The following TPST1 variants were observed in gnomAD, a reference collection of about 807,000 sequenced individuals.
TPST1 encodes the protein tyrosylprotein sulfotransferase 1, also known as protein-tyrosine sulfotransferase 1.
A neutral mutation model predicts 34.8 loss-of-function variants in TPST1; 20 were observed. The observed-to-expected ratio is 0.57, with a 90% CI of 0.40 to 0.84. The LOEUF (loss-of-function observed/expected upper bound fraction) is 0.84, where lower values mean the gene tolerates loss of function less well. Ranked by LOEUF, TPST1 falls within the 40% of genes least tolerant of loss-of-function variation. The pLI is 0.00. For synonymous variants in TPST1, 152 were observed against 159.4 expected (o/e 0.95, Z 0.35); for missense variants, 353 against 455.5 (o/e 0.78, Z 2.05).
intron 3 of TPST1, among the ~76,000 whole-genome samples, chr7:66,339,955 A>G (rs995443201): frequency 6.6e-6 from 1 of 152,192 alleles, no homozygotes; most frequent in Non-Finnish European, 1.5e-5. Flanking sequence ...ACCAAAAACC[A>G]TATGATGATT....
In TPST1 at chr7:66,240,545, G is replaced by A. The variant is rs373665203; in HGVS notation, c.120G>A (p.Gln40=). ...ATCACCGGATAGAGGAACGTAGCCA[G>A]CCAGTCAAATTGGAGAGCACAAGGA... is the stretch of plus-strand genomic sequence containing the variant. ...ECHHRIEERS[Q]PVKLESTRTT... is the part of the protein sequence containing the mutation. The change falls in exon 2 of 6, where the codon CAG becomes CAA. Residue 40 remains glutamine, a synonymous_variant. Transcript: ENST00000304842. The A allele has an allele frequency of 6.2e-7, 1 of 1,614,220 alleles. No homozygotes were observed. The highest frequency in any genetic ancestry group is 1.7e-5 in the Admixed American group (1 of 60,020).
intron 3 of TPST1, among the ~76,000 whole-genome samples, chr7:66,326,127 C>G (rs1223132787): frequency 6.6e-6 from 1 of 152,148 alleles, no homozygotes; most frequent in East Asian, 1.9e-4. Flanking sequence ...TTCTGTGAGT[C>G]TATCAACTGT....
intron 3 of TPST1, among the ~76,000 whole-genome samples, chr7:66,349,529 G>A (rs1047292627): frequency 2.6e-5 from 4 of 152,062 alleles, no homozygotes; most frequent in East Asian, 3.9e-4. Flanking sequence ...CCAAGATTGC[G>A]CCATTGCACT....
chr7:66,212,600 C>G (rs1053940497), intron 1 of TPST1, among the ~76,000 whole-genome samples: 5 of 151,912 alleles, frequency 3.3e-5, no homozygotes, highest in African/African-American at 7.3e-5. Flanking sequence ...GCTGGCATTA[C>G]AGGCTCCCGC....
chr7:66,224,099 C>G (rs1789600601), intron 1 of TPST1, among the ~76,000 whole-genome samples: 1 of 152,074 alleles, frequency 6.6e-6, no homozygotes, highest in African/African-American at 2.4e-5. Flanking sequence ...GGTCTGGTGC[C>G]AGCCCCTAAC....
At position 66,232,485 on chromosome 7, in the gene TPST1, G is replaced by T. The variant is rs995157499; in HGVS notation, c.-101-7840G>T. Among the ~76,000 whole-genome samples the T allele has an allele frequency of 2.6e-5, 4 of 151,798 alleles. 1 individual carries two copies. Among genetic ancestry groups the T allele is most frequent in the African/African-American group, 7.3e-5 (3 of 41,314 alleles). ...CCTCCCGGGTTCACGCCATTCTCCT[G>T]CCTCAGCCTCCCGAGTAGCTGGGAC... On this transcript the variant is annotated intron_variant, in intron 1 of 5. Coordinates refer to ENST00000304842, the MANE Select transcript of TPST1 (RefSeq NM_003596.4).
At chr7:66,357,412 T>TTTTG (rs893844288) in intron 5 of TPST1, among the ~76,000 whole-genome samples, 1 of 152,204 alleles carries the variant, frequency 6.6e-6, no homozygotes, top group Non-Finnish European at 1.5e-5. Context: ...CTACTGCAAT[T>TTTTG]TTTGTTTGTT....
rs538343872 is a variant in TPST1, at chr7:66,223,098, T to A, written c.-101-17227T>A. ...TCTAATACACCAGGCTTCTTTTACA[T>A]TAATTCAATGCCATCTTCTCTTCTA... On this transcript the variant is annotated intron_variant, in intron 1 of 5. Transcript: ENST00000304842. 8.4e-4 allele frequency among the ~76,000 whole-genome samples: 128 copies of A among 152,230 alleles called. 1 individual carries two copies. In the South Asian group the frequency reaches 0.013, roughly 15 times the overall value.
At chr7:66,356,030 C>G (rs1236580505) in intron 4 of TPST1, among the ~76,000 whole-genome samples, 1 of 151,086 alleles carries the variant, frequency 6.6e-6, no homozygotes, top group African/African-American at 2.4e-5. Flanking sequence ...CAGAGGGAAA[C>G]CTTGTCTATT....
At chr7:66,304,488 T>C (rs1791382945) in intron 3 of TPST1, among the ~76,000 whole-genome samples, 1 of 152,210 alleles carries the variant, frequency 6.6e-6, no homozygotes. Flanking sequence ...GGAAAGGAAT[T>C]CTGGGAGACT....
chr7:66,328,004 TCCTTTC>T (rs1791904292), intron 3 of TPST1, among the ~76,000 whole-genome samples: 1 of 140,190 alleles, frequency 7.1e-6, no homozygotes, highest in Non-Finnish European at 1.5e-5. Flanking sequence ...CTTTTTTTTT[TCCTTTC>T]CTTTTTTTTT....
At chr7:66,304,935 A>C (rs1049515615) in intron 3 of TPST1, among the ~76,000 whole-genome samples, 3 of 151,590 alleles carry the variant, frequency 2.0e-5, no homozygotes, top group African/African-American at 7.3e-5. Context: ...CGCCTGCCTT[A>C]GCTTCTTGAC....
At chr7:66,200,217 A>G in the TPST1 span, among the ~76,000 whole-genome samples, 1 of 152,234 alleles carries the variant, frequency 6.6e-6, no homozygotes, top group Non-Finnish European at 1.5e-5. Context: ...TCTAGAGGTG[A>G]GTTCCCAAGG....
intron 1 of TPST1, among the ~76,000 whole-genome samples, chr7:66,208,114 A>G (rs1044316952): frequency 1.4e-4 from 21 of 152,268 alleles, no homozygotes; most frequent in African/African-American, 4.3e-4. Context: ...CAATCTGATC[A>G]TGCTGCTTGT....
At chr7:66,220,612 A>G (rs571355428) in intron 1 of TPST1, among the ~76,000 whole-genome samples, 30 of 120,030 alleles carry the variant, frequency 2.5e-4, no homozygotes, top group African/African-American at 9.2e-4. Context: ...GTGCATGCGG[A>G]GGCTCAAACA....
chr7:66,312,358 A>G (rs554639114), intron 3 of TPST1, among the ~76,000 whole-genome samples: 4 of 152,336 alleles, frequency 2.6e-5, no homozygotes, highest in South Asian at 2.1e-4. Flanking sequence ...GCAAATGCCT[A>G]TTCTGAACAT....
At chr7:66,300,717 GGA>G (rs1791297143) in intron 3 of TPST1, among the ~76,000 whole-genome samples, 1 of 152,134 alleles carries the variant, frequency 6.6e-6, no homozygotes, top group Non-Finnish European at 1.5e-5. Flanking sequence ...AGGCCAAGGT[GGA>G]TGGATCACCT....
intron 1 of TPST1, among the ~76,000 whole-genome samples, chr7:66,232,912 A>G (rs1789828431): frequency 6.6e-6 from 1 of 152,178 alleles, no homozygotes; most frequent in Non-Finnish European, 1.5e-5. Flanking sequence ...AGTGGGTGTC[A>G]AGTGGTATCT....
intron 1 of TPST1, among the ~76,000 whole-genome samples, chr7:66,213,571 C>T (rs1193457491): frequency 1.3e-5 from 2 of 151,998 alleles, no homozygotes; most frequent in Non-Finnish European, 2.9e-5. Context: ...CTGGCTAACA[C>T]GGTGAAACCT....
Sources: allele counts gnomAD v4.1 joint callset (sites outside exome capture counted in the v4.1 genomes callset), GRCh38; gene constraint gnomAD v4.1.1; transcripts MANE v1.5; gene names NCBI Gene and HGNC (gene_info 2026-07-23, HGNC 2026-07-21).